Variants in RFX3 observed in about 807,000 individuals in gnomAD.
The protein encoded by RFX3 is transcription factor RFX3.
In RFX3, 14 loss-of-function variants were observed where a neutral mutation model predicts 98.6. The ratio of observed to expected loss-of-function variants is 0.14; its 90% confidence interval spans 0.09 to 0.22. The LOEUF is 0.22. RFX3 is among the 10% of genes least tolerant of loss of function. The pLI is 1.00. For missense variants in RFX3, 639 were observed against 926.9 expected (o/e 0.69, Z 4.03); for synonymous variants, 383 against 328.4 (o/e 1.17, Z -1.80).
intron 3 of RFX3, among the ~76,000 whole-genome samples, chr9:3,342,091 T>C (rs1259372477): frequency 1.3e-5 from 2 of 152,180 alleles, no homozygotes; most frequent in African/African-American, 4.8e-5. Context: ...AATGCATTAA[T>C]ACATGATTTT....
intron 1 of RFX3, among the ~76,000 whole-genome samples, chr9:3,429,387 TAATA>T (rs1564090694): frequency 6.7e-6 from 1 of 149,650 alleles, no homozygotes; most frequent in Non-Finnish European, 1.5e-5. Flanking sequence ...TATGTAATCT[TAATA>T]TATACCAATA....
At chr9:3,286,396 G>C (rs1483930764) in intron 7 of RFX3, among the ~76,000 whole-genome samples, 1 of 151,302 alleles carries the variant, frequency 6.6e-6, no homozygotes, top group Non-Finnish European at 1.5e-5. Flanking sequence ...CAAAAAATAA[G>C]AATCAGCAAT....
intron 1 of RFX3, among the ~76,000 whole-genome samples, chr9:3,498,798 T>G (rs1851291824): frequency 6.6e-6 from 1 of 152,204 alleles, no homozygotes; most frequent in Non-Finnish European, 1.5e-5. Flanking sequence ...TCTTGCTTTA[T>G]TATTACATCC....
chr9:3,388,557 C>T (rs528966562), intron 2 of RFX3, among the ~76,000 whole-genome samples: 3 of 152,120 alleles, frequency 2.0e-5, no homozygotes, highest in African/African-American at 7.2e-5. Flanking sequence ...AGATTATGAA[C>T]AAAGTGTCCT....
chr9:3,488,038 C>T (rs1018935269), intron 1 of RFX3, among the ~76,000 whole-genome samples: 1 of 152,126 alleles, frequency 6.6e-6, no homozygotes, highest in Admixed American at 6.5e-5. Flanking sequence ...AATTACTGTT[C>T]TATAGGCTAG....
intron 15 of RFX3, among the ~76,000 whole-genome samples, chr9:3,243,710 T>C (rs974535762): frequency 1.3e-5 from 2 of 152,202 alleles, no homozygotes; most frequent in Non-Finnish European, 2.9e-5. Context: ...GAAAGTCTTT[T>C]TGCTTGCTTA....
At chr9:3,348,763 T>C (rs534715716) in intron 2 of RFX3, among the ~76,000 whole-genome samples, 1 of 151,928 alleles carries the variant, frequency 6.6e-6, no homozygotes, top group African/African-American at 2.4e-5. Flanking sequence ...TGATTTTCAA[T>C]CCTAGCAATC....
chr9:3,219,117 A>C lies in RFX3; in HGVS notation c.*5925T>G, dbSNP rs1817214977. 1 of 152,160 alleles carries C rather than the reference A, an allele frequency of 6.6e-6. No individual in the cohort carries two copies. The highest frequency in any genetic ancestry group is 2.4e-5 in the African/African-American group (1 of 41,432). The allele number at this position is 152,160 out of a possible 1,614,324, so 9.4% of individuals were successfully genotyped here. On this transcript the variant is annotated 3_prime_UTR_variant, in exon 17 of 17. Coordinates refer to ENST00000617270, the MANE Select transcript of RFX3 (RefSeq NM_001282116.2). ...TGCATTGGTCACCACCATAGGTCCA[A>C]ATTGATGATGGAAATGAGTAGAGAA...
chr9:3,275,695 A>G, intron 8 of RFX3, 83 bp from the exon 9 acceptor site: 1 of 729,862 alleles, frequency 1.4e-6, no homozygotes, highest in Non-Finnish European at 2.2e-6. Flanking sequence ...TAAGAAGACC[A>G]AAAAGAAAAA....
intron 3 of RFX3, among the ~76,000 whole-genome samples, chr9:3,342,149 T>C (rs1833957719): frequency 6.6e-6 from 1 of 152,230 alleles, no homozygotes. Flanking sequence ...TTTTAAATTA[T>C]TCAATGTCAA....
chr9:3,406,119 A>AC (rs1186106536), intron 1 of RFX3, among the ~76,000 whole-genome samples: 1 of 151,726 alleles, frequency 6.6e-6, no homozygotes, highest in Non-Finnish European at 1.5e-5. Context: ...ACCACGCCTG[A>AC]CAGCTAATTT....
chr9:3,492,819 T>C (rs1457844612), intron 1 of RFX3, among the ~76,000 whole-genome samples: 1 of 152,206 alleles, frequency 6.6e-6, no homozygotes, highest in African/African-American at 2.4e-5. Flanking sequence ...AAGCTGTTTC[T>C]GGTCAAGTTA....
intron 7 of RFX3, among the ~76,000 whole-genome samples, chr9:3,279,324 T>C (rs1317831511): frequency 6.6e-6 from 1 of 151,850 alleles, no homozygotes; most frequent in Non-Finnish European, 1.5e-5. Flanking sequence ...TAGCCTAAAA[T>C]TGTTTAACCA....
chr9:3,506,944 A>C (rs1008356238), intron 1 of RFX3, among the ~76,000 whole-genome samples: 1 of 151,952 alleles, frequency 6.6e-6, no homozygotes, highest in African/African-American at 2.4e-5. Context: ...TTGTAAAATC[A>C]GAACTAGACA....
intron 1 of RFX3, among the ~76,000 whole-genome samples, chr9:3,451,457 T>A (rs766891191): frequency 4.6e-5 from 7 of 152,176 alleles, no homozygotes; most frequent in Non-Finnish European, 8.8e-5. Context: ...GGTAGGAGGA[T>A]GGCTCAAGCC....
intron 1 of RFX3, among the ~76,000 whole-genome samples, chr9:3,415,230 TAA>T (rs1491282650): frequency 1.4e-5 from 2 of 140,610 alleles, no homozygotes; most frequent in South Asian, 2.1e-4. Flanking sequence ...TATATATATA[TAA>T]GAGTTGGGAT....
chr9:3,457,139 CAAAAAAAA>C (rs1169959832), intron 1 of RFX3, among the ~76,000 whole-genome samples: 2 of 22,814 alleles, frequency 8.8e-5, no homozygotes, highest in African/African-American at 3.4e-4. Flanking sequence ...GACTCCATCT[CAAAAAAAA>C]AAAAAAAAAA....
At chr9:3,486,541 CT>C (rs1220326736) in intron 1 of RFX3, among the ~76,000 whole-genome samples, 12 of 152,150 alleles carry the variant, frequency 7.9e-5, no homozygotes, top group Non-Finnish European at 8.8e-5. Flanking sequence ...TCTCCAACTG[CT>C]TTATGTCCAG....
chr9:3,410,837 C>G (rs150247777), intron 1 of RFX3, among the ~76,000 whole-genome samples: 255 of 152,272 alleles, frequency 1.7e-3, no homozygotes, highest in African/African-American at 5.8e-3. Context: ...ACCAACCACG[C>G]CGCTTGATTT....
Sources: gnomAD v4.1 joint callset for allele counts (sites outside exome capture counted in the v4.1 genomes callset) on GRCh38, gnomAD v4.1.1 for gene constraint, MANE v1.5 for transcripts, NCBI Gene and HGNC (gene_info 2026-07-23, HGNC 2026-07-21) for gene names.